The following JPH2 variants were observed in gnomAD, a reference collection of about 807,000 sequenced individuals.
The protein encoded by JPH2 is junctophilin-2.
Under a neutral mutation model 55.9 loss-of-function variants are expected in JPH2, and 38 were observed. The ratio of observed to expected loss-of-function variants is 0.68; its 90% CI spans 0.52 to 0.89. The LOEUF (loss-of-function observed/expected upper bound fraction) is 0.89. Among genes scored for constraint, JPH2 ranks in the 40% least tolerant of loss-of-function variants. The probability of loss-of-function intolerance (pLI) is 0.00; values close to 1 mark genes in which losing one functional copy is unlikely to be tolerated. For missense variants in JPH2, 964 were observed against 1,037.6 expected (o/e 0.93, Z 0.97); for synonymous variants, 480 against 472.4 (o/e 1.02, Z -0.21).
rs1330094989 is a variant in JPH2 at position 44,112,608 on chromosome 20, C to CT, written c.*909dup. 2 of 152,236 alleles carry CT rather than the reference C, an allele frequency of 1.3e-5. No individual in the cohort carries two copies. The highest frequency in any genetic ancestry group is 4.8e-5 in the African/African-American group (2 of 41,448). 9.4% of individuals were successfully genotyped at this position (152,236 alleles called of 1,614,324 possible). On this transcript the variant is annotated 3_prime_UTR_variant, in exon 6 of 6. Coordinates refer to ENST00000372980, the MANE Select transcript of JPH2 (RefSeq NM_020433.5). ...TGCTCCCCTGAGCTTTCGGTGGGCC[C>CT]TGATGGGGGAGGAGACAAGCCATTT...
intron 2 of JPH2, among the ~76,000 whole-genome samples, chr20:44,137,864 G>T (rs2072425359): frequency 6.6e-6 from 1 of 152,082 alleles, no homozygotes. Context: ...AAGAGGGAGA[G>T]GAGAAATCTG....
rs2072844036 is a variant in JPH2, at chr20:44,186,460, G to A, written c.246C>T (p.Tyr82=). 1 of 1,613,914 alleles carries A rather than the reference G, an allele frequency of 6.2e-7. No individual in the cohort carries two copies. The highest frequency in any genetic ancestry group is 1.3e-5 in the African/African-American group (1 of 74,880). ...TGAAGCCATGTGTCCACTCGCCCTTGTAGAGCCAGCGCCCCTTGGTCTCTA... is the reference window on the plus strand; with the variant it reads ...TGAAGCCATGTGTCCACTCGCCCTTATAGAGCCAGCGCCCCTTGGTCTCTA... ...LGIETKGRWL[Y]KGEWTHGFKG... The change falls in exon 1 of 6, where the codon TAC becomes TAT. Residue 82 remains tyrosine, a synonymous_variant. Transcript: ENST00000372980.
chr20:44,115,965 A>G lies in JPH2; in HGVS notation c.1710T>C (p.Ala570=). ...VALYQGYHSY[A]VRTTPPEPPP... ...GGGGCTCGGGCGGCGTGGTGCGCAC[A>G]GCATAGCTGTGGTAGCCCTGGTAAA... The change falls in exon 4 of 6, where the codon GCT becomes GCC. Residue 570 remains alanine, a synonymous_variant. Transcript: ENST00000372980. 6.4e-7 allele frequency: 1 copy of G among 1,574,768 alleles called. No homozygotes were observed. The highest frequency in any genetic ancestry group is 8.6e-7 in the Non-Finnish European group (1 of 1,167,862).
intron 1 of JPH2, among the ~76,000 whole-genome samples, chr20:44,184,569 G>C (rs533471041): frequency 1.0e-3 from 157 of 152,266 alleles, no homozygotes; most frequent in African/African-American, 3.7e-3. Context: ...GAGCAGTACT[G>C]ATATTCTAAA....
At chr20:44,133,727 TAA>T (rs761174065) in intron 2 of JPH2, among the ~76,000 whole-genome samples, 4 of 150,646 alleles carry the variant, frequency 2.7e-5, no homozygotes, top group East Asian at 3.9e-4. Flanking sequence ...GTTAAAAACC[TAA>T]GTTTCCCAGG....
rs201990591 is a variant in JPH2 at position 44,118,478 on chromosome 20, T to C, written c.1288+27A>G. ...GCCCACCCTAGGGATAGCCCTACCC[T>C]GCCCATCCTTCCCTGGCTGGCCCTA... On this transcript the variant is annotated intron_variant, in intron 3 of 5. Transcript: ENST00000372980. The C allele has an allele frequency of 5.1e-4, 785 of 1,549,658 alleles. 1 individual carries two copies. Among genetic ancestry groups the C allele is most frequent in the South Asian group, 7.6e-4 (68 of 89,874 alleles).
intron 2 of JPH2, among the ~76,000 whole-genome samples, chr20:44,142,101 C>A (rs984637973): frequency 6.6e-6 from 1 of 152,114 alleles, no homozygotes; most frequent in Non-Finnish European, 1.5e-5. Context: ...TTAATCATAC[C>A]CACTTTGGGA....
intron 2 of JPH2, among the ~76,000 whole-genome samples, chr20:44,154,180 C>A (rs1339163911): frequency 6.6e-6 from 1 of 152,152 alleles, no homozygotes; most frequent in Non-Finnish European, 1.5e-5. Context: ...GGGTCTACAG[C>A]AACACTGTCC....
intron 1 of JPH2, among the ~76,000 whole-genome samples, chr20:44,170,158 C>T (rs956458919): frequency 3.9e-5 from 6 of 152,184 alleles, no homozygotes; most frequent in Admixed American, 6.5e-5. Context: ...GAAGTCCTTA[C>T]CTGATAGTCC....
At chr20:44,143,938 C>T (rs1187483798) in intron 2 of JPH2, among the ~76,000 whole-genome samples, 1 of 151,870 alleles carries the variant, frequency 6.6e-6, no homozygotes, top group African/African-American at 2.4e-5. Flanking sequence ...GGGATGGAGA[C>T]AAAGAGGGGG....
chr20:44,125,814 T>A (rs1227530413), intron 2 of JPH2, among the ~76,000 whole-genome samples: 1 of 151,918 alleles, frequency 6.6e-6, no homozygotes, highest in Non-Finnish European at 1.5e-5. Flanking sequence ...ATGGGAATAA[T>A]AAGGGCACGC....
At chr20:44,146,483 C>G (rs1176035256) in intron 2 of JPH2, among the ~76,000 whole-genome samples, 1 of 152,196 alleles carries the variant, frequency 6.6e-6, no homozygotes, top group East Asian at 1.9e-4. Flanking sequence ...CCATTCACTC[C>G]TGCACCTCAG....
chr20:44,152,540 A>G (rs1006223296), intron 2 of JPH2, among the ~76,000 whole-genome samples: 1 of 152,184 alleles, frequency 6.6e-6, no homozygotes, highest in African/African-American at 2.4e-5. Flanking sequence ...AAGTTAATAC[A>G]TGTAAGGTAC....
intron 1 of JPH2, among the ~76,000 whole-genome samples, chr20:44,184,490 G>A (rs1247785087): frequency 6.6e-6 from 1 of 152,142 alleles, no homozygotes; most frequent in Non-Finnish European, 1.5e-5. Flanking sequence ...GTCTGGGTGG[G>A]CCACTGAATT....
At position 44,186,337 on chromosome 20, in the gene JPH2, A is replaced by G. The variant is rs755484155; in HGVS notation, c.369T>C (p.Tyr123=). The part of the protein sequence containing the change: ...GLQDGYGTET[Y]ADGGTYQGQF... ...CCCAGCTGGCCTCACCTCCATCAGC[A>G]TAGGTCTCGGTGCCATAGCCGTCTT... Residue 123 remains tyrosine (Y), a synonymous_variant, in exon 1 of 6, where the codon TAT becomes TAC. Transcript: ENST00000372980. 2 of 1,606,776 alleles carry G rather than the reference A, an allele frequency of 1.2e-6. No individual in the cohort carries two copies. The highest frequency in any genetic ancestry group is 1.7e-6 in the Non-Finnish European group (2 of 1,178,542).
Position 44,186,442 on chromosome 20 carries a change from A to G in JPH2, c.264T>C (p.His88=), listed in dbSNP as rs769714877. The G allele has an allele frequency of 1.9e-6, 3 of 1,613,686 alleles. No individual in the cohort carries two copies. Among genetic ancestry groups the G allele is most frequent in the Non-Finnish European group, 2.5e-6 (3 of 1,179,888 alleles). Residue 88 remains histidine (H), a synonymous_variant, in exon 1 of 6, where the codon CAT becomes CAC. Transcript: ENST00000372980. ...GGATTCCGTAGCGTCCCTTGAAGCC[A>G]TGTGTCCACTCGCCCTTGTAGAGCC... is the stretch of plus-strand genomic sequence containing the variant. ...GRWLYKGEWT[H]GFKGRYGIRQ... is the part of the protein sequence containing the mutation.
At chr20:44,169,810 G>T (rs1388086424) in intron 1 of JPH2, among the ~76,000 whole-genome samples, 2 of 152,138 alleles carry the variant, frequency 1.3e-5, no homozygotes, top group African/African-American at 4.8e-5. Context: ...TGGATTCATG[G>T]TTTAATTGGT....
At chr20:44,117,692 C>G (rs6124623) in intron 3 of JPH2, among the ~76,000 whole-genome samples, 29,969 of 152,150 alleles carry the variant, frequency 0.2, 3,634 homozygotes, top group East Asian at 0.37. Flanking sequence ...CTTGTTCAGC[C>G]TGCAAGATTC....
Position 44,120,541 on chromosome 20 carries a change from G to T in JPH2, c.1170-1918C>A, listed in dbSNP as rs2072227814. 2.6e-5 allele frequency among the ~76,000 whole-genome samples: 4 copies of T among 152,216 alleles called. No homozygotes were observed. In the South Asian group the frequency reaches 8.3e-4, roughly 32 times the overall value. ...ATTATTATCCCTATTTTACAGAAAA[G>T]AAAATTGAAGTGCAAACAGGTTAAG... On this transcript the variant is annotated intron_variant, in intron 2 of 5. Transcript: ENST00000372980.
Sources: gnomAD v4.1 joint callset for allele counts (sites outside exome capture counted in the v4.1 genomes callset) on GRCh38, gnomAD v4.1.1 for gene constraint, MANE v1.5 for transcripts, NCBI Gene and HGNC (gene_info 2026-07-23, HGNC 2026-07-21) for gene names.